Variants in TASP1 observed in about 807,000 individuals in gnomAD.
The protein encoded by TASP1 is taspase 1, also known as threonine aspartase 1.
TASP1 carries 16 observed loss-of-function variants against 56.6 expected under a neutral mutation model. The observed-to-expected ratio is 0.28, with a 90% CI of 0.19 to 0.43. The LOEUF is 0.43. Among genes scored for constraint, TASP1 ranks in the 20% least tolerant of loss-of-function variants. TASP1 has a pLI of 1.00. For synonymous variants in TASP1, 179 were observed against 184.2 expected (o/e 0.97, Z 0.23); for missense variants, 393 against 511.6 (o/e 0.77, Z 2.24).
chr20:13,140,641 GGA>G, the TASP1 span, among the ~76,000 whole-genome samples: 1 of 146,798 alleles, frequency 6.8e-6, no homozygotes, highest in East Asian at 2.0e-4. Context: ...CATATCTACA[GGA>G]TTAAAAAAAC....
intron 11 of TASP1, among the ~76,000 whole-genome samples, chr20:13,469,782 A>T (rs1444660677): frequency 7.3e-6 from 1 of 137,168 alleles, no homozygotes; most frequent in Non-Finnish European, 1.6e-5. Context: ...TGTCCAGGTC[A>T]ATAAATGTCC....
At chr20:13,292,658 C>T in the TASP1 span, among the ~76,000 whole-genome samples, 3 of 152,180 alleles carry the variant, frequency 2.0e-5, no homozygotes, top group African/African-American at 7.2e-5. Flanking sequence ...TCCACCGGAC[C>T]GAGCGCTTCT....
chr20:13,220,800 C>T, the TASP1 span, among the ~76,000 whole-genome samples: 1 of 152,234 alleles, frequency 6.6e-6, no homozygotes, highest in African/African-American at 2.4e-5. Flanking sequence ...AGACGCATGG[C>T]TTGTCCGGCG....
At chr20:13,318,154 A>AATAAATAAATAAATAAATAT in the TASP1 span, among the ~76,000 whole-genome samples, 1 of 151,742 alleles carries the variant, frequency 6.6e-6, no homozygotes, top group South Asian at 2.1e-4. Flanking sequence ...TAAATAAATA[A>AATAAATAAATAAATAAATAT]ATAAATAAAA....
chr20:13,346,872 T>C, the TASP1 span, among the ~76,000 whole-genome samples: 2 of 152,268 alleles, frequency 1.3e-5, no homozygotes, highest in East Asian at 3.8e-4. Flanking sequence ...ATTCCACTTT[T>C]ATTAATTTGC....
At chr20:13,200,333 T>G in the TASP1 span, among the ~76,000 whole-genome samples, 1 of 152,220 alleles carries the variant, frequency 6.6e-6, no homozygotes, top group Non-Finnish European at 1.5e-5. Context: ...CCCTTTGAAT[T>G]GCAATTATGC....
the TASP1 span, among the ~76,000 whole-genome samples, chr20:13,380,263 G>A: frequency 6.6e-6 from 1 of 152,056 alleles, no homozygotes; most frequent in African/African-American, 2.4e-5. Flanking sequence ...TTTTTGTGTG[G>A]GCGTCCTTTT....
At chr20:13,417,368 C>A (rs2042291346) in intron 13 of TASP1, 80 bp downstream of exon 13, 1 of 1,486,910 alleles carries the variant, frequency 6.7e-7, no homozygotes, top group Admixed American at 2.0e-5. Flanking sequence ...TGAAAAAATT[C>A]ATCCACATCA....
At chr20:13,329,409 CAGA>C in the TASP1 span, among the ~76,000 whole-genome samples, 4 of 152,288 alleles carry the variant, frequency 2.6e-5, no homozygotes, top group East Asian at 1.9e-4. Flanking sequence ...AAAAAGCCCT[CAGA>C]AGAAGTCAAC....
chr20:13,376,731 G>A, the TASP1 span, among the ~76,000 whole-genome samples: 1 of 152,076 alleles, frequency 6.6e-6, no homozygotes, highest in Admixed American at 6.5e-5. Flanking sequence ...TTTTCCATTT[G>A]TTTGTGTCCT....
At chr20:13,228,022 G>T in the TASP1 span, among the ~76,000 whole-genome samples, 1 of 148,116 alleles carries the variant, frequency 6.8e-6, no homozygotes, top group Non-Finnish European at 1.5e-5. Flanking sequence ...TGGAGTCCAG[G>T]AGTGCAGTGG....
chr20:13,110,021 A>C, the TASP1 span: 1 of 1,044,606 alleles, frequency 9.6e-7, no homozygotes. Context: ...TTTAGGTCTG[A>C]GTGTGAACAT....
At chr20:13,455,748 C>A (rs2043808079) in intron 11 of TASP1, among the ~76,000 whole-genome samples, 1 of 152,114 alleles carries the variant, frequency 6.6e-6, no homozygotes, top group South Asian at 2.1e-4. Flanking sequence ...GAAACCATAA[C>A]CAACACCCTG....
At chr20:13,487,527 C>T (rs1245629956) in intron 10 of TASP1, among the ~76,000 whole-genome samples, 2 of 152,144 alleles carry the variant, frequency 1.3e-5, no homozygotes, top group South Asian at 2.1e-4. Context: ...CACATTAATC[C>T]TAACCCTTAC....
chr20:13,485,407 A>G, intron 10 of TASP1, among the ~76,000 whole-genome samples: 1 of 152,198 alleles, frequency 6.6e-6, no homozygotes, highest in East Asian at 1.9e-4. Context: ...GGAATTCTGA[A>G]GTAGTTGTTC....
At chr20:13,535,187 T>G (rs761368118) in intron 8 of TASP1, among the ~76,000 whole-genome samples, 2 of 152,130 alleles carry the variant, frequency 1.3e-5, no homozygotes, top group Non-Finnish European at 2.9e-5. Context: ...GAGAGATCCC[T>G]AAGAAGCAAA....
chr20:13,591,820 T>C (rs2047542683), intron 4 of TASP1, among the ~76,000 whole-genome samples: 1 of 152,126 alleles, frequency 6.6e-6, no homozygotes, highest in Non-Finnish European at 1.5e-5. Flanking sequence ...GAGGAATGAA[T>C]GGAAGTGTAA....
At chr20:13,538,833 A>T (rs770919425) in intron 8 of TASP1, among the ~76,000 whole-genome samples, 2 of 152,178 alleles carry the variant, frequency 1.3e-5, no homozygotes, top group African/African-American at 2.4e-5. Context: ...TCCTGAGGCC[A>T]GGAGTTCAAG....
At chr20:13,385,190 T>C (rs569567109), downstream of TASP1, among the ~76,000 whole-genome samples, 1 of 152,348 alleles carries the variant, frequency 6.6e-6, no homozygotes, top group South Asian at 2.1e-4. Context: ...TGTTCTGGCC[T>C]CTGCAAATTT....
Sources: allele counts gnomAD v4.1 joint callset (sites outside exome capture counted in the v4.1 genomes callset), GRCh38; gene constraint gnomAD v4.1.1; transcripts MANE v1.5; gene names NCBI Gene and HGNC (gene_info 2026-07-23, HGNC 2026-07-21).